Variants in SNAP91 observed in about 807,000 individuals in gnomAD.
The protein encoded by SNAP91 is clathrin coat assembly protein AP180.
Under a neutral mutation model 100.3 loss-of-function variants are expected in SNAP91, and 27 were observed. The ratio of observed to expected loss-of-function variants is 0.27; its 90% CI spans 0.20 to 0.37. The LOEUF (loss-of-function observed/expected upper bound fraction) is 0.37, where lower values mean the gene tolerates loss of function less well. Ranked by LOEUF, SNAP91 falls within the 10% of genes least tolerant of loss-of-function variation. SNAP91 has a pLI of 1.00. For missense variants in SNAP91, 986 were observed against 1,123.7 expected, an observed-to-expected ratio of 0.88 and a Z score of 1.75; for synonymous variants, 404 against 398.6, an observed-to-expected ratio of 1.01 and a Z score of -0.16.
At chr6:83,592,624 T>C in intron 20 of SNAP91, 86 bp from the exon 21 acceptor site, 1 of 1,104,048 alleles carries the variant, frequency 9.1e-7, no homozygotes, top group East Asian at 2.6e-5. Context: ...TCTTGGGATT[T>C]CATGGTTCAC....
chr6:83,556,342 G>GAGAGAGAGAGAGAGAGAGA (rs1778378852), intron 28 of SNAP91, 97 bp from the exon 29 acceptor site: 2 of 19,640 alleles, frequency 1.0e-4, no homozygotes, highest in Non-Finnish European at 1.8e-4. Context: ...AGGGAGAGGG[G>GAGAGAGAGAGAGAGAGAGA]GAGAGAGAGA....
intron 9 of SNAP91, 85 bp downstream of exon 9, chr6:83,623,216 T>C: frequency 9.4e-7 from 1 of 1,060,872 alleles, no homozygotes; most frequent in Non-Finnish European, 1.4e-6. Context: ...ATGCATGAAA[T>C]GCTTACAAGA....
intron 9 of SNAP91, among the ~76,000 whole-genome samples, chr6:83,620,677 T>C (rs2096678297): frequency 6.6e-6 from 1 of 152,062 alleles, no homozygotes; most frequent in Admixed American, 6.6e-5. Context: ...ATTCTTGTAT[T>C]GAACTAGAGG....
intron 9 of SNAP91, among the ~76,000 whole-genome samples, chr6:83,622,330 T>C (rs2096762112): frequency 6.6e-6 from 1 of 152,060 alleles, no homozygotes; most frequent in Admixed American, 6.5e-5. Context: ...CCCTAATTTT[T>C]AATAAAAACT....
intron 22 of SNAP91, among the ~76,000 whole-genome samples, chr6:83,587,769 T>C (rs10223479): frequency 0.77 from 117,298 of 151,710 alleles, 45,796 homozygotes; most frequent in East Asian, 0.88. Flanking sequence ...TTTCATTTTT[T>C]ATTTTTTTGT....
At chr6:83,674,434 A>C (rs2098832183) in intron 2 of SNAP91, among the ~76,000 whole-genome samples, 1 of 146,592 alleles carries the variant, frequency 6.8e-6, no homozygotes, top group Admixed American at 6.7e-5. Context: ...ATTCCATCTC[A>C]AAAAAAAAGA....
chr6:83,689,680 A>C (rs2099106618), intron 2 of SNAP91: 1 of 152,140 alleles, frequency 6.6e-6, no homozygotes, highest in African/African-American at 2.4e-5. Context: ...GACAGTAAAG[A>C]AAAGAATGAG....
chr6:83,634,796 C>T (rs2097362236), intron 8 of SNAP91, among the ~76,000 whole-genome samples: 1 of 152,174 alleles, frequency 6.6e-6, no homozygotes, highest in Admixed American at 6.5e-5. Context: ...AAACTTTCCT[C>T]TTAAAACTGC....
intron 14 of SNAP91, among the ~76,000 whole-genome samples, chr6:83,602,529 T>C (rs2095327523): frequency 6.6e-6 from 1 of 152,182 alleles, no homozygotes. Context: ...GAGAAAACAA[T>C]TTTATTTTTT....
In SNAP91 at chr6:83,560,913, G is replaced by A. The variant is rs1373083452; in HGVS notation, c.2477C>T (p.Pro826Leu). The change falls in exon 27 of 30, where the codon CCT (proline) becomes CTT (leucine). Residue 826 changes from proline (P) to leucine (L), a missense_variant. Pro to Leu is a moderately conservative substitution (Grantham distance 98). Coordinates refer to ENST00000369694, the MANE Select transcript of SNAP91 (RefSeq NM_001242792.2). Reference protein sequence around the residue: ...GAVPPTSSVPPVAGAPSVGQP... With the variant: ...GAVPPTSSVPLVAGAPSVGQP... Reference sequence around the variant, plus strand: ...TCCAACCGATGGGGCCCCGGCAACAGGAGGAACTGAACTGGTTGGAGGTAC... The same window carrying A: ...TCCAACCGATGGGGCCCCGGCAACAAGAGGAACTGAACTGGTTGGAGGTAC... The A allele has an allele frequency of 1.2e-6, 2 of 1,613,660 alleles. No homozygotes were observed. Among genetic ancestry groups the A allele is most frequent in the East Asian group, 2.2e-5 (1 of 44,878 alleles).
chr6:83,693,330 C>T (rs2099155480), intron 2 of SNAP91, among the ~76,000 whole-genome samples: 1 of 152,180 alleles, frequency 6.6e-6, no homozygotes, highest in Non-Finnish European at 1.5e-5. Context: ...ATGGGCCAGG[C>T]ACAGTAAGTG....
At chr6:83,679,483 C>T (rs1374131494) in intron 2 of SNAP91, among the ~76,000 whole-genome samples, 2 of 152,056 alleles carry the variant, frequency 1.3e-5, no homozygotes, top group African/African-American at 2.4e-5. Flanking sequence ...AAATAAAAGT[C>T]GACAGCAGCA....
chr6:83,624,192 G>A (rs1312589878), intron 8 of SNAP91, among the ~76,000 whole-genome samples: 2 of 151,762 alleles, frequency 1.3e-5, no homozygotes, highest in African/African-American at 2.4e-5. Flanking sequence ...AGAGAAGGGA[G>A]GAAAAGCAAA....
At chr6:83,701,615 T>G (rs547529844) in intron 2 of SNAP91, among the ~76,000 whole-genome samples, 2 of 152,042 alleles carry the variant, frequency 1.3e-5, no homozygotes, top group East Asian at 3.9e-4. Flanking sequence ...CCTGGCTAAC[T>G]TTTTTGTATT....
At chr6:83,577,705 C>G (rs1025090525) in intron 24 of SNAP91, among the ~76,000 whole-genome samples, 1 of 152,180 alleles carries the variant, frequency 6.6e-6, no homozygotes, top group Non-Finnish European at 1.5e-5. Flanking sequence ...TCAGCTAACA[C>G]TGAAAAATGT....
intron 9 of SNAP91, among the ~76,000 whole-genome samples, chr6:83,621,479 T>A (rs1213358244): frequency 1.3e-5 from 2 of 152,150 alleles, no homozygotes; most frequent in African/African-American, 4.8e-5. Context: ...TTACTTTCTT[T>A]GAGGGAGGAG....
At position 83,560,151 on chromosome 6, in the gene SNAP91, G is replaced by A. The variant is rs2127823776; in HGVS notation, c.2584C>T (p.Pro862Ser). Residue 862 changes from proline (P) to serine (S), a missense_variant, in exon 28 of 30, where the codon CCC becomes TCC. Coordinates refer to ENST00000369694, the MANE Select transcript of SNAP91 (RefSeq NM_001242792.2). ...MPQQPVMFAQ[P>S]MMRPPFGAAA... ...GCTCCAAAGGGGGGCCTCATCATGG[G>A]CTGTGCAAACATGACCGGCTGCTGA... The A allele has an allele frequency of 1.2e-6, 2 of 1,613,946 alleles. No individual in the cohort carries two copies. The highest frequency in any genetic ancestry group is 2.2e-5 in the East Asian group (1 of 44,882).
At chr6:83,567,218 C>T (rs759708273) in intron 26 of SNAP91, among the ~76,000 whole-genome samples, 4 of 152,152 alleles carry the variant, frequency 2.6e-5, no homozygotes, top group Non-Finnish European at 5.9e-5. Context: ...GGTGAGTTAT[C>T]GCATCCAGCT....
chr6:83,595,317 A>G (rs2094332677), intron 16 of SNAP91, among the ~76,000 whole-genome samples: 1 of 152,194 alleles, frequency 6.6e-6, no homozygotes, highest in Non-Finnish European at 1.5e-5. Context: ...AGTTATTTGG[A>G]AAATAATCTA....
Sources: allele counts gnomAD v4.1 joint callset (sites outside exome capture counted in the v4.1 genomes callset), GRCh38; gene constraint gnomAD v4.1.1; transcripts MANE v1.5; gene names NCBI Gene and HGNC (gene_info 2026-07-23, HGNC 2026-07-21).